The following NFS1 variants were observed in gnomAD, a reference collection of about 807,000 sequenced individuals.
NFS1 encodes the protein NFS1 cysteine desulfurase, also known as cysteine desulfurase.
NFS1 carries 26 observed loss-of-function variants against 57.3 expected under a neutral mutation model. That is an observed-to-expected ratio of 0.45 (90% confidence interval 0.33 to 0.63). The LOEUF (loss-of-function observed/expected upper bound fraction) is 0.63, where lower values mean the gene tolerates loss of function less well. NFS1 is among the 20% of genes least tolerant of loss of function. NFS1 has a pLI of 0.02. For missense variants in NFS1, 505 were observed against 605.8 expected (o/e 0.83, Z 1.75); for synonymous variants, 209 against 216.3 (o/e 0.97, Z 0.30).
At chr20:35,673,315 G>A (rs565806000) in intron 11 of NFS1, among the ~76,000 whole-genome samples, 12 of 151,462 alleles carry the variant, frequency 7.9e-5, no homozygotes, top group Middle Eastern at 3.4e-3. Context: ...CATGATCTAC[G>A]GACCACCAAC....
At chr20:35,687,233 A>G (rs2034960932) in intron 5 of NFS1, among the ~76,000 whole-genome samples, 1 of 152,158 alleles carries the variant, frequency 6.6e-6, no homozygotes, top group African/African-American at 2.4e-5. Flanking sequence ...GCCTGCCCGC[A>G]GTTATCTGGA....
intron 11 of NFS1, 43 bp downstream of exon 11, chr20:35,673,558 T>C (rs2093430030): frequency 6.5e-7 from 1 of 1,532,738 alleles, no homozygotes; most frequent in Non-Finnish European, 9.0e-7. Context: ...ATGAAAAATA[T>C]AAGAGGATGC....
intron 5 of NFS1, among the ~76,000 whole-genome samples, chr20:35,686,813 T>C (rs567640132): frequency 6.6e-6 from 1 of 152,256 alleles, no homozygotes; most frequent in African/African-American, 2.4e-5. Flanking sequence ...AGAATAGTTA[T>C]ACTAGATATA....
chr20:35,674,653 A>T (rs2034711160), intron 8 of NFS1, 36 bp from the exon 9 acceptor site: 1 of 1,511,428 alleles, frequency 6.6e-7, no homozygotes, highest in Non-Finnish European at 9.2e-7. Flanking sequence ...GGCAGTAACC[A>T]TTAACCAGCT....
In NFS1 at chr20:35,680,808, A is replaced by AT; in HGVS notation, c.718dup (p.Ile240AsnfsTer4). The stretch of plus-strand genomic sequence containing the variant: ...TTTCATGTCATTGACATCAAGTGGG[A>AT]TTTTTCCAACAGCCTGGGCTGCATC... On this transcript the variant is annotated frameshift_variant, in exon 7 of 13. Transcript: ENST00000374092. LOFTEE classifies it high-confidence loss of function. 6.3e-7 allele frequency: 1 copy of AT among 1,582,650 alleles called. No homozygotes were observed. The highest frequency in any genetic ancestry group is 2.4e-5 in the East Asian group (1 of 42,358).
intron 5 of NFS1, 144 bp from the exon 6 acceptor site, chr20:35,682,125 G>C: frequency 2.0e-6 from 1 of 511,008 alleles, no homozygotes; most frequent in Non-Finnish European, 3.7e-6. Context: ...AACACAAAAT[G>C]TTGGTGAGGA....
intron 5 of NFS1, among the ~76,000 whole-genome samples, chr20:35,683,170 C>G (rs6060558): frequency 0.15 from 23,280 of 151,854 alleles, 1,785 homozygotes; most frequent in Middle Eastern, 0.2. Flanking sequence ...ATCCACATGA[C>G]AGTATGAAAT....
intron 12 of NFS1, among the ~76,000 whole-genome samples, chr20:35,671,247 G>T (rs2034649070): frequency 6.6e-6 from 1 of 152,134 alleles, no homozygotes; most frequent in Non-Finnish European, 1.5e-5. Flanking sequence ...GGGACTACAG[G>T]TGCCCACCAT....
chr20:35,699,213 TG>T lies in NFS1; in HGVS notation c.75del (p.Thr26LeufsTer56). 1 of 1,425,914 alleles carries T rather than the reference TG, an allele frequency of 7.0e-7. No individual in the cohort carries two copies. The highest frequency in any genetic ancestry group is 9.1e-7 in the Non-Finnish European group (1 of 1,099,032). 88.3% of individuals were successfully genotyped at this position (1,425,914 alleles called of 1,614,324 possible). ...TAAPGPKPAAPTRGLRLRVGD... is the reference protein window; with the variant it reads ...TAAPGPKPAAXTRGLRLRVGD... ...GTACCGCGCAGGCGCAGCCCCCGAG[TG>T]GGCGCCGCGGGCTTCGGCCCTGGAG... On this transcript the variant is annotated frameshift_variant, in exon 1 of 13. Coordinates refer to ENST00000374092, the MANE Select transcript of NFS1 (RefSeq NM_021100.5). LOFTEE classifies it high-confidence loss of function. This position sits in a 1 kb window ranked among gnomAD's most constrained non-coding sequence, Gnocchi z 4.4.
chr20:35,669,913 T>C (rs2034626098), intron 12 of NFS1, among the ~76,000 whole-genome samples: 1 of 152,118 alleles, frequency 6.6e-6, no homozygotes, highest in Non-Finnish European at 1.5e-5. Context: ...CAGGAATAAC[T>C]AGGTTCCTCA....
chr20:35,697,887 A>T (rs2035166142), intron 2 of NFS1, 87 bp from the exon 3 acceptor site: 1 of 826,014 alleles, frequency 1.2e-6, no homozygotes, highest in Non-Finnish European at 2.0e-6. Flanking sequence ...ACCCTGCCTT[A>T]AGACACTCTC....
chr20:35,669,537 C>T lies in NFS1; in HGVS notation c.*85G>A. 8.5e-7 allele frequency: 1 copy of T among 1,177,548 alleles called. No homozygotes were observed. Among genetic ancestry groups the T allele is most frequent in the South Asian group, 1.2e-5 (1 of 81,510 alleles). The allele number at this position is 1,177,548 out of a possible 1,614,324, so 72.9% of individuals were successfully genotyped here. A position where few individuals can be genotyped will look rare whatever the true frequency, so the allele number is the denominator to read the frequency against. ...CTGGTCTATACCAATCTAGAGCATC[C>T]ACTAGGTGTAACAAGGTGTCTGGTT... is the stretch of plus-strand genomic sequence containing the variant. On this transcript the variant is annotated 3_prime_UTR_variant, in exon 13 of 13. Transcript: ENST00000374092.
intron 8 of NFS1, 101 bp from the exon 9 acceptor site, chr20:35,674,718 G>A (rs2034712659): frequency 1.1e-6 from 1 of 905,472 alleles, no homozygotes; most frequent in African/African-American, 1.6e-5. Context: ...CTATGTATCA[G>A]CCCCACCTAT....
chr20:35,676,773 A>AC (rs1471818664), intron 7 of NFS1, among the ~76,000 whole-genome samples: 1 of 148,928 alleles, frequency 6.7e-6, no homozygotes, highest in Non-Finnish European at 1.5e-5. Flanking sequence ...AAAAAAAAAA[A>AC]AAAAAAAAAA....
intron 3 of NFS1, among the ~76,000 whole-genome samples, chr20:35,697,115 G>GTAAA (rs542799194): frequency 4.0e-5 from 6 of 150,104 alleles, no homozygotes; most frequent in African/African-American, 9.8e-5. Context: ...TCAAATAATA[G>GTAAA]TAAATAAATA....
At chr20:35,677,082 G>T (rs1455550888) in intron 7 of NFS1, among the ~76,000 whole-genome samples, 4 of 152,124 alleles carry the variant, frequency 2.6e-5, no homozygotes, top group African/African-American at 9.7e-5. Flanking sequence ...GGACAGGCTG[G>T]TCTCAAATTC....
intron 12 of NFS1, among the ~76,000 whole-genome samples, chr20:35,671,399 C>A (rs1040133864): frequency 1.3e-5 from 2 of 152,120 alleles, no homozygotes; most frequent in African/African-American, 2.4e-5. Flanking sequence ...CCGTGCCCAG[C>A]CACAGAAAAT....
intron 5 of NFS1, among the ~76,000 whole-genome samples, chr20:35,688,370 G>A (rs1156616337): frequency 6.6e-6 from 1 of 151,998 alleles, no homozygotes; most frequent in Non-Finnish European, 1.5e-5. Flanking sequence ...GCCTGGCCAA[G>A]ATGATAAAAC....
intron 4 of NFS1, among the ~76,000 whole-genome samples, chr20:35,693,879 G>A (rs1004960094): frequency 5.3e-5 from 8 of 151,956 alleles, no homozygotes; most frequent in Admixed American, 4.6e-4. Flanking sequence ...GGAGAATGGC[G>A]TGAACCCAGG....
Sources: allele counts gnomAD v4.1 joint callset (sites outside exome capture counted in the v4.1 genomes callset), GRCh38; gene constraint gnomAD v4.1.1; non-coding constraint Gnocchi (gnomAD v3.1); transcripts MANE v1.5; gene names NCBI Gene and HGNC (gene_info 2026-07-23, HGNC 2026-07-21).